Variants in KHDRBS2 observed in about 807,000 individuals in gnomAD.
The protein encoded by KHDRBS2 is KH RNA binding domain containing, signal transduction associated 2.
In KHDRBS2, 26 loss-of-function variants were observed where a neutral mutation model predicts 44.3. That is an observed-to-expected ratio of 0.59 (90% CI 0.43 to 0.81). The LOEUF (loss-of-function observed/expected upper bound fraction) is 0.81. Ranked by LOEUF, KHDRBS2 falls within the 40% of genes least tolerant of loss-of-function variation. The probability of loss-of-function intolerance (pLI) is 0.00; values close to 1 mark genes in which losing one functional copy is unlikely to be tolerated. For missense variants in KHDRBS2, 476 were observed against 433.1 expected, an observed-to-expected ratio of 1.10 and a Z score of -0.88; for synonymous variants, 194 against 151.1, an observed-to-expected ratio of 1.28 and a Z score of -2.08.
chr6:62,091,572 CTTG>C (rs1276462271), intron 2 of KHDRBS2, among the ~76,000 whole-genome samples: 3 of 152,228 alleles, frequency 2.0e-5, no homozygotes, highest in African/African-American at 4.8e-5. Context: ...ATGAGTGCAA[CTTG>C]TTGTTGCAAG....
chr6:61,571,863 A>C, the KHDRBS2 span, among the ~76,000 whole-genome samples: 1 of 152,128 alleles, frequency 6.6e-6, no homozygotes, highest in Non-Finnish European at 1.5e-5. Flanking sequence ...CTTACATCAA[A>C]AAGCTGAAAG....
intron 4 of KHDRBS2, among the ~76,000 whole-genome samples, chr6:61,956,868 ACCTTATG>A (rs1335766180): frequency 8.6e-5 from 13 of 151,874 alleles, no homozygotes; most frequent in Admixed American, 8.5e-4. Context: ...TTAGAATAGC[ACCTTATG>A]CATAGCAAAC....
chr6:61,867,532 A>G (rs1023099761), intron 6 of KHDRBS2, among the ~76,000 whole-genome samples: 3 of 152,150 alleles, frequency 2.0e-5, no homozygotes, highest in Admixed American at 6.5e-5. Context: ...AGGCGGCACT[A>G]TGACTTTTTG....
intron 4 of KHDRBS2, among the ~76,000 whole-genome samples, chr6:61,929,829 GTTTGA>G (rs1371483771): frequency 1.3e-5 from 2 of 152,124 alleles, no homozygotes; most frequent in Non-Finnish European, 1.5e-5. Flanking sequence ...AGATGAAGTT[GTTTGA>G]TTTAACATAA....
chr6:61,822,936 C>T (rs1790184265), intron 6 of KHDRBS2, among the ~76,000 whole-genome samples: 2 of 151,966 alleles, frequency 1.3e-5, no homozygotes, highest in South Asian at 2.1e-4. Context: ...TGATTTGTAA[C>T]TCTATATTCC....
At chr6:62,234,375 A>G (rs1833372842) in intron 1 of KHDRBS2, among the ~76,000 whole-genome samples, 1 of 152,262 alleles carries the variant, frequency 6.6e-6, no homozygotes, top group African/African-American at 2.4e-5. Flanking sequence ...TGCATATGAA[A>G]GGTCAATTTA....
At chr6:61,691,595 G>T (rs1454673650) in intron 8 of KHDRBS2, among the ~76,000 whole-genome samples, 1 of 151,824 alleles carries the variant, frequency 6.6e-6, no homozygotes, top group African/African-American at 2.4e-5. Context: ...ATTTTTAAAT[G>T]ACTGATAAAT....
chr6:61,550,766 C>CTTTTTTTTTTTT, the KHDRBS2 span, among the ~76,000 whole-genome samples: 10 of 117,040 alleles, frequency 8.5e-5, no homozygotes, highest in East Asian at 5.4e-4. Context: ...GAGATGGTAT[C>CTTTTTTTTTTTT]TTTTTTTTTT....
At chr6:61,871,597 G>A (rs1461144544) in intron 6 of KHDRBS2, among the ~76,000 whole-genome samples, 1 of 152,144 alleles carries the variant, frequency 6.6e-6, no homozygotes, top group Admixed American at 6.5e-5. Context: ...GTTAAGGGCA[G>A]CCAGAGAGAA....
In KHDRBS2 at chr6:62,250,755, C is replaced by T. The variant is rs149848890; in HGVS notation, c.91+35103G>A. ...GTATTGAAGCGTCTCATCACAGACTCACAAGTTGTAAGGGAGAAAAAAATA... is the reference window on the plus strand; with the variant it reads ...GTATTGAAGCGTCTCATCACAGACTTACAAGTTGTAAGGGAGAAAAAAATA... On this transcript the variant is annotated intron_variant, in intron 1 of 8. Transcript: ENST00000281156. Among the ~76,000 whole-genome samples, 214 of 151,786 alleles carry T rather than the reference C, an allele frequency of 1.4e-3. 1 individual carries two copies. The Middle Eastern group carries it at 0.034, about 24-fold the overall frequency.
At chr6:61,587,588 G>A in the KHDRBS2 span, among the ~76,000 whole-genome samples, 1 of 152,128 alleles carries the variant, frequency 6.6e-6, no homozygotes, top group Non-Finnish European at 1.5e-5. Context: ...CTTCCTCCGT[G>A]TGGAGTCAGT....
intron 2 of KHDRBS2, among the ~76,000 whole-genome samples, chr6:62,159,021 A>G (rs1170891953): frequency 2.0e-5 from 3 of 152,106 alleles, no homozygotes; most frequent in East Asian, 3.9e-4. Flanking sequence ...ATGCCATGTG[A>G]CCGTCATACA....
chr6:61,785,511 C>T (rs1783663173), intron 6 of KHDRBS2, among the ~76,000 whole-genome samples: 1 of 151,914 alleles, frequency 6.6e-6, no homozygotes, highest in South Asian at 2.1e-4. Context: ...GCAATTTGAC[C>T]CTTTTTTGAA....
chr6:61,657,306 T>A, the KHDRBS2 span, among the ~76,000 whole-genome samples: 1 of 152,154 alleles, frequency 6.6e-6, no homozygotes, highest in South Asian at 2.1e-4. Flanking sequence ...AAGCTTTCTA[T>A]CATCAAGTCA....
intron 1 of KHDRBS2, among the ~76,000 whole-genome samples, chr6:62,198,839 T>C (rs1432982019): frequency 3.3e-5 from 5 of 152,080 alleles, no homozygotes; most frequent in African/African-American, 1.2e-4. Context: ...AAATCCTCAA[T>C]AAAATACTGG....
At position 62,248,112 on chromosome 6, in the gene KHDRBS2, G is replaced by C. The variant is rs151237098; in HGVS notation, c.91+37746C>G. Among the ~76,000 whole-genome samples, 379 of 152,020 alleles carry C rather than the reference G, an allele frequency of 2.5e-3. 3 individuals are homozygous for C. Among genetic ancestry groups the C allele is most frequent in the African/African-American group, 8.4e-3 (347 of 41,508 alleles). On this transcript the variant is annotated intron_variant, in intron 1 of 8. Transcript: ENST00000281156. ...AGTTGTTAGCTCCACTTTACACCTA[G>C]TTGTAGTCACAAGATAAATTTAATT...
At chr6:62,000,820 T>G (rs1778098054) in intron 3 of KHDRBS2, among the ~76,000 whole-genome samples, 1 of 152,184 alleles carries the variant, frequency 6.6e-6, no homozygotes, top group Non-Finnish European at 1.5e-5. Flanking sequence ...TTTTGAATTT[T>G]CAAACAATTC....
intron 3 of KHDRBS2, among the ~76,000 whole-genome samples, chr6:62,041,350 A>G (rs1786465037): frequency 6.6e-6 from 1 of 152,090 alleles, no homozygotes; most frequent in African/African-American, 2.4e-5. Flanking sequence ...AAGAAAAAAA[A>G]ATTTCAGATC....
At chr6:61,717,922 A>G (rs1771717686) in intron 7 of KHDRBS2, among the ~76,000 whole-genome samples, 1 of 152,070 alleles carries the variant, frequency 6.6e-6, no homozygotes, top group Non-Finnish European at 1.5e-5. Context: ...TTCAGGTAGT[A>G]GTATCTGTTG....
Sources: gnomAD v4.1 joint callset for allele counts (sites outside exome capture counted in the v4.1 genomes callset) on GRCh38, gnomAD v4.1.1 for gene constraint, MANE v1.5 for transcripts, NCBI Gene and HGNC (gene_info 2026-07-23, HGNC 2026-07-21) for gene names.